Variants in CSMD1 observed in about 807,000 individuals in gnomAD.
CSMD1 encodes CUB and sushi domain-containing protein 1.
CSMD1 carries 213 observed loss-of-function variants against 417.5 expected under a neutral mutation model. The ratio of observed to expected loss-of-function variants is 0.51; its 90% CI spans 0.46 to 0.57. The LOEUF is 0.57. Among genes scored for constraint, CSMD1 ranks in the 20% least tolerant of loss-of-function variants. CSMD1 has a pLI of 0.00. For missense variants in CSMD1, 6,923 were observed against 4,529.7 expected (o/e 1.53, Z -15.17); for synonymous variants, 2,862 against 1,736.8 (o/e 1.65, Z -16.11).
intron 3 of CSMD1, among the ~76,000 whole-genome samples, chr8:4,255,107 A>G (rs188349577): frequency 1.3e-5 from 2 of 151,838 alleles, no homozygotes; most frequent in East Asian, 3.9e-4. Flanking sequence ...CGGTCTCTCT[A>G]CTTCTTCCTT....
intron 3 of CSMD1, among the ~76,000 whole-genome samples, chr8:4,248,075 A>T (rs979208983): frequency 6.6e-6 from 1 of 152,158 alleles, no homozygotes; most frequent in South Asian, 2.1e-4. Context: ...ATTGTTAAGG[A>T]ACTTTCTTCT....
chr8:2,972,930 T>C (rs1268370117), intron 57 of CSMD1, among the ~76,000 whole-genome samples, 187 bp downstream of exon 57: 1 of 152,198 alleles, frequency 6.6e-6, no homozygotes, highest in African/African-American at 2.4e-5. Context: ...GACCTGTGGA[T>C]ACTTGGAATA....
rs181516381 is a variant in CSMD1, at chr8:4,253,943, G to C, written c.415+166010C>G. Reference sequence around the variant, plus strand: ...TTTTTTTTTTTTTTTTTGAGATGGAGTCTTGCTCTAGTGCCCAGGCTGGAG... The same window carrying C: ...TTTTTTTTTTTTTTTTTGAGATGGACTCTTGCTCTAGTGCCCAGGCTGGAG... On this transcript the variant is annotated intron_variant, in intron 3 of 69. Coordinates refer to ENST00000635120, the MANE Select transcript of CSMD1 (RefSeq NM_033225.6). Among the ~76,000 whole-genome samples, 940 of 112,404 alleles carry C rather than the reference G, an allele frequency of 8.4e-3. 11 individuals are homozygous for C. Among genetic ancestry groups the C allele is most frequent in the Admixed American group, 0.027 (208 of 7,578 alleles). 73.7% of individuals were successfully genotyped at this position (112,404 alleles called of 152,430 possible). A position where few individuals can be genotyped will look rare whatever the true frequency, so the allele number is the denominator to read the frequency against.
chr8:4,063,466 C>T (rs969829661), intron 3 of CSMD1, among the ~76,000 whole-genome samples: 1 of 152,068 alleles, frequency 6.6e-6, no homozygotes. Context: ...CTGGCATATA[C>T]CATGTCTTAT....
At chr8:4,721,132 G>T (rs1000477968) in intron 1 of CSMD1, among the ~76,000 whole-genome samples, 1 of 152,098 alleles carries the variant, frequency 6.6e-6, no homozygotes, top group Non-Finnish European at 1.5e-5. Context: ...AATGCAACTC[G>T]GCAATAAAGT....
intron 3 of CSMD1, among the ~76,000 whole-genome samples, chr8:4,331,068 G>C (rs11994271): frequency 0.061 from 9,262 of 152,058 alleles, 351 homozygotes; most frequent in Middle Eastern, 0.15. Flanking sequence ...CATAATTTTT[G>C]TTTCTTATTC....
At chr8:3,291,490 G>C (rs145822690) in intron 25 of CSMD1, among the ~76,000 whole-genome samples, 2,612 of 152,164 alleles carry the variant, frequency 0.017, 77 homozygotes, top group African/African-American at 0.06. Flanking sequence ...ATTGATTATT[G>C]CCTCAATTTC....
intron 6 of CSMD1, among the ~76,000 whole-genome samples, chr8:3,752,670 G>A (rs905914172): frequency 2.5e-5 from 2 of 80,770 alleles, no homozygotes; most frequent in African/African-American, 5.4e-5. Flanking sequence ...CCCACTCCCC[G>A]CCTGGCAAAA....
At chr8:4,338,296 G>C (rs1375747088) in intron 3 of CSMD1, among the ~76,000 whole-genome samples, 1 of 152,120 alleles carries the variant, frequency 6.6e-6, no homozygotes, top group African/African-American at 2.4e-5. Flanking sequence ...TGCAGTAGTT[G>C]AATATAGTTA....
At chr8:2,942,074 T>C (rs897834439) in intron 69 of CSMD1, among the ~76,000 whole-genome samples, 9 of 152,250 alleles carry the variant, frequency 5.9e-5, no homozygotes, top group Admixed American at 3.3e-4. Flanking sequence ...CAAATAAGCA[T>C]TGTTAGTCCA....
intron 2 of CSMD1, among the ~76,000 whole-genome samples, chr8:4,529,197 A>G (rs922950812): frequency 1.3e-5 from 2 of 152,178 alleles, no homozygotes; most frequent in Non-Finnish European, 1.5e-5. Context: ...CATGAGGTCA[A>G]AACTCTTATC....
chr8:3,083,724 C>T lies in CSMD1; in HGVS notation c.7474+3373G>A, dbSNP rs1443138200. The stretch of plus-strand genomic sequence containing the variant: ...AGGCTGGAGTGCAGTGCCGTGATCT[C>T]GGCTCACTGCAGCCTCTGCCTCCTG... On this transcript the variant is annotated intron_variant, in intron 49 of 69. Transcript: ENST00000635120. 1.9e-4 allele frequency among the ~76,000 whole-genome samples: 25 copies of T among 131,426 alleles called. No individual in the cohort carries two copies. In the South Asian group the frequency reaches 2.1e-3, roughly 11 times the overall value. 86.2% of individuals were successfully genotyped at this position (131,426 alleles called of 152,430 possible). A position where few individuals can be genotyped will look rare whatever the true frequency, so the allele number is the denominator to read the frequency against.
chr8:3,502,777 T>C (rs957846516), intron 10 of CSMD1, among the ~76,000 whole-genome samples: 8 of 152,180 alleles, frequency 5.3e-5, no homozygotes, highest in Non-Finnish European at 8.8e-5. Context: ...GATGTTATAA[T>C]GGTGGACACT....
rs371917685 is a variant in CSMD1 at position 3,462,415 on chromosome 8, C to A, written c.1561+6297G>T. ...AGGAGGTGAGCAGCAGGCAACGGAG[C>A]ATTACCACCTGAGCTCTGCCTCCCA... On this transcript the variant is annotated intron_variant, in intron 12 of 69. Coordinates refer to ENST00000635120, the MANE Select transcript of CSMD1 (RefSeq NM_033225.6). Among the ~76,000 whole-genome samples the A allele has an allele frequency of 8.1e-4, 124 of 152,302 alleles. No individual in the cohort carries two copies. The South Asian group carries it at 0.015, about 19-fold the overall frequency.
chr8:3,743,566 C>G (rs868171114), intron 6 of CSMD1, among the ~76,000 whole-genome samples: 1 of 152,054 alleles, frequency 6.6e-6, no homozygotes, highest in Non-Finnish European at 1.5e-5. Flanking sequence ...ATCTTGGGAC[C>G]TCAAACTCAT....
intron 12 of CSMD1, among the ~76,000 whole-genome samples, chr8:3,458,641 G>A (rs937283003): frequency 1.3e-5 from 2 of 152,138 alleles, no homozygotes; most frequent in African/African-American, 2.4e-5. Context: ...TGGCCTAGCT[G>A]GTAATTCACC....
chr8:3,119,384 T>TA (rs34060531), intron 41 of CSMD1, among the ~76,000 whole-genome samples: 28,073 of 86,994 alleles, frequency 0.32, 8,907 homozygotes, highest in Non-Finnish European at 0.48. Context: ...AGTCTTTTTC[T>TA]AAAAAAAAAA....
intron 3 of CSMD1, among the ~76,000 whole-genome samples, chr8:4,400,124 T>C (rs559593435): frequency 1.2e-4 from 18 of 152,312 alleles, no homozygotes; most frequent in Middle Eastern, 3.4e-3. Context: ...CTCTGCTCTA[T>C]AGTAATTTGT....
chr8:4,139,473 G>C (rs140559345), intron 3 of CSMD1, among the ~76,000 whole-genome samples: 3 of 144,532 alleles, frequency 2.1e-5, no homozygotes, highest in African/African-American at 8.7e-5. Flanking sequence ...GGACAGTCCA[G>C]TGAGGAAGGT....
Sources: allele counts gnomAD v4.1 joint callset (sites outside exome capture counted in the v4.1 genomes callset), GRCh38; gene constraint gnomAD v4.1.1; transcripts MANE v1.5; gene names NCBI Gene and HGNC (gene_info 2026-07-23, HGNC 2026-07-21).